Variants in PDE4D observed in about 807,000 individuals in gnomAD.
PDE4D encodes 3',5'-cyclic-AMP phosphodiesterase 4D.
Under a neutral mutation model 87.4 loss-of-function variants are expected in PDE4D, and 24 were observed. The observed-to-expected ratio is 0.27, with a 90% CI of 0.20 to 0.39. The LOEUF is 0.39. PDE4D is among the 10% of genes least tolerant of loss of function. PDE4D has a pLI of 1.00. For synonymous variants in PDE4D, 384 were observed against 383.2 expected (o/e 1.00, Z -0.02); for missense variants, 714 against 1,041.0 (o/e 0.69, Z 4.32).
intron 1 of PDE4D, among the ~76,000 whole-genome samples, chr5:59,673,774 T>G (rs1450776993): frequency 6.6e-6 from 1 of 152,212 alleles, no homozygotes; most frequent in African/African-American, 2.4e-5. Flanking sequence ...CCTAGTTATT[T>G]GCTATATGCA....
intron 1 of PDE4D, among the ~76,000 whole-genome samples, chr5:59,576,627 T>C (rs111990628): frequency 0.011 from 1,741 of 152,258 alleles, 24 homozygotes; most frequent in African/African-American, 0.039. Context: ...AGGTGGCTAC[T>C]GCAATGAATA....
At chr5:60,371,223 G>A (rs183205312) in intron 1 of PDE4D, among the ~76,000 whole-genome samples, 18 of 152,256 alleles carry the variant, frequency 1.2e-4, no homozygotes, top group Non-Finnish European at 2.2e-4. Context: ...CTTTGCTGAC[G>A]TCTTCTGAAA....
At chr5:60,147,499 T>C (rs1285265145) in intron 2 of PDE4D, among the ~76,000 whole-genome samples, 1 of 152,248 alleles carries the variant, frequency 6.6e-6, no homozygotes, top group East Asian at 1.9e-4. Flanking sequence ...TTTATTTTCT[T>C]ACATTCACTT....
intron 1 of PDE4D, among the ~76,000 whole-genome samples, chr5:60,388,351 G>C (rs1762336693): frequency 6.6e-6 from 1 of 152,048 alleles, no homozygotes; most frequent in African/African-American, 2.4e-5. Flanking sequence ...ACTCTTTCTG[G>C]AATGAGGGTA....
intron 1 of PDE4D, among the ~76,000 whole-genome samples, chr5:59,819,707 G>T (rs547542608): frequency 7.6e-4 from 115 of 152,312 alleles, no homozygotes; most frequent in African/African-American, 2.7e-3. Flanking sequence ...GGGGGAAAAA[G>T]AATTTTGAAA....
At chr5:60,181,696 A>T (rs1183877917) in intron 2 of PDE4D, among the ~76,000 whole-genome samples, 1 of 152,210 alleles carries the variant, frequency 6.6e-6, no homozygotes, top group African/African-American at 2.4e-5. Flanking sequence ...GATTCAGTGT[A>T]CTAGAAAATT....
chr5:59,086,533 T>A (rs184579235), intron 5 of PDE4D, among the ~76,000 whole-genome samples: 1 of 152,286 alleles, frequency 6.6e-6, no homozygotes, highest in East Asian at 1.9e-4. Context: ...ACTCATTGCC[T>A]GTGTGAGTAC....
intron 1 of PDE4D, among the ~76,000 whole-genome samples, chr5:59,440,966 TTAAATATC>T: frequency 6.6e-6 from 1 of 152,282 alleles, no homozygotes; most frequent in East Asian, 1.9e-4. Context: ...TTGAGCAGAT[TTAAATATC>T]GAAAATTTAA....
At chr5:60,391,202 A>G (rs1276545108) in intron 1 of PDE4D, among the ~76,000 whole-genome samples, 6 of 152,184 alleles carry the variant, frequency 3.9e-5, no homozygotes, top group African/African-American at 1.4e-4. Flanking sequence ...ATGTTTATTA[A>G]TAAATAATTG....
intron 2 of PDE4D, among the ~76,000 whole-genome samples, chr5:60,171,949 C>CA (rs1246165092): frequency 6.6e-6 from 1 of 151,384 alleles, no homozygotes; most frequent in Non-Finnish European, 1.5e-5. Context: ...TCTCTTATTT[C>CA]AAATATGTAT....
intron 1 of PDE4D, among the ~76,000 whole-genome samples, chr5:59,332,816 C>T (rs1006652539): frequency 2.0e-5 from 3 of 152,098 alleles, no homozygotes; most frequent in Non-Finnish European, 1.5e-5. Flanking sequence ...CTTTAGCTGG[C>T]CATCCTCTCT....
chr5:59,451,415 C>A (rs1474152858), intron 1 of PDE4D, among the ~76,000 whole-genome samples: 2 of 152,198 alleles, frequency 1.3e-5, no homozygotes, highest in Non-Finnish European at 2.9e-5. Context: ...TTTCTTTGGT[C>A]TGCATCTGCC....
At chr5:59,944,777 T>C (rs957510892) in intron 3 of PDE4D, among the ~76,000 whole-genome samples, 2 of 152,112 alleles carry the variant, frequency 1.3e-5, no homozygotes, top group African/African-American at 4.8e-5. Flanking sequence ...TTCTCCTTCC[T>C]CCCTGCCATC....
intron 1 of PDE4D, among the ~76,000 whole-genome samples, chr5:60,262,895 A>C (rs972092419): frequency 6.6e-6 from 1 of 152,184 alleles, no homozygotes; most frequent in Admixed American, 6.5e-5. Flanking sequence ...GTTTGCCTCA[A>C]CTTTCTAATT....
chr5:59,640,269 G>A (rs140748318), intron 1 of PDE4D, among the ~76,000 whole-genome samples: 12 of 152,220 alleles, frequency 7.9e-5, no homozygotes, highest in Admixed American at 7.9e-4. Flanking sequence ...GTGTTTTTCT[G>A]TTGTTCAAAG....
At chr5:60,423,479 A>G (rs1743330768) in intron 1 of PDE4D, among the ~76,000 whole-genome samples, 1 of 152,230 alleles carries the variant, frequency 6.6e-6, no homozygotes, top group Non-Finnish European at 1.5e-5. Context: ...AAAAATAAAG[A>G]TGTTCTTTGA....
At chr5:59,408,862 G>T (rs1323896623) in intron 1 of PDE4D, among the ~76,000 whole-genome samples, 1 of 152,080 alleles carries the variant, frequency 6.6e-6, no homozygotes, top group Non-Finnish European at 1.5e-5. Context: ...GAATGGAAAT[G>T]TTGGCCAGGC....
At chr5:59,170,976 G>T (rs1782667290) in intron 5 of PDE4D, among the ~76,000 whole-genome samples, 1 of 151,570 alleles carries the variant, frequency 6.6e-6, no homozygotes, top group Non-Finnish European at 1.5e-5. Flanking sequence ...CTGCCTCCTG[G>T]GTTCAAGCAA....
At chr5:58,981,298 C>CCAAA (rs1745079778) in intron 11 of PDE4D, among the ~76,000 whole-genome samples, 1 of 152,102 alleles carries the variant, frequency 6.6e-6, no homozygotes, top group Non-Finnish European at 1.5e-5. Flanking sequence ...CATAATTCTA[C>CCAAA]CAAACAGGCT....
Sources: gnomAD v4.1 joint callset for allele counts (sites outside exome capture counted in the v4.1 genomes callset) on GRCh38, gnomAD v4.1.1 for gene constraint, MANE v1.5 for transcripts, NCBI Gene and HGNC (gene_info 2026-07-23, HGNC 2026-07-21) for gene names.